The following XRCC6 variants were observed in gnomAD, a reference collection of about 807,000 sequenced individuals.
The protein encoded by XRCC6 is DNA repair protein Ku70.
XRCC6 carries 5 observed loss-of-function variants against 65.7 expected under a neutral mutation model. The observed-to-expected ratio is 0.08, with a 90% CI of 0.04 to 0.16. The LOEUF is 0.16. Among genes scored for constraint, XRCC6 ranks in the 10% least tolerant of loss-of-function variants. The pLI is 1.00. For synonymous variants in XRCC6, 270 were observed against 270.6 expected, an observed-to-expected ratio of 1.00 and a Z score of 0.02; for missense variants, 447 against 738.1, an observed-to-expected ratio of 0.61 and a Z score of 4.57.
At chr22:41,636,060 T>C in intron 3 of XRCC6, 53 bp from the exon 4 acceptor site, 1 of 1,518,318 alleles carries the variant, frequency 6.6e-7, no homozygotes, top group African/African-American at 1.4e-5. Context: ...ACTGAGCACT[T>C]ATGGAGCTTC....
rs6002425 is a variant in XRCC6, at chr22:41,632,981, G to T, written c.196-3132G>T. 1.1e-3 allele frequency among the ~76,000 whole-genome samples: 170 copies of T among 152,158 alleles called. 2 individuals are homozygous for T. The highest frequency in any genetic ancestry group is 4.0e-3 in the African/African-American group (168 of 41,534). On this transcript the variant is annotated intron_variant, in intron 3 of 12. Coordinates refer to ENST00000360079, the MANE Select transcript of XRCC6 (RefSeq NM_001469.5). ...GTCTCTACTAAAAATACAAAAATTA[G>T]CTGGGTGTGGTGGCGTGCGCCTGTA... is the stretch of plus-strand genomic sequence containing the variant.
chr22:41,656,531 A>G (rs2068046570), intron 9 of XRCC6, among the ~76,000 whole-genome samples: 1 of 151,602 alleles, frequency 6.6e-6, no homozygotes, highest in South Asian at 2.1e-4. Context: ...AAAAAAAAAG[A>G]TGGAAAAAAA....
chr22:41,649,137 A>ATATATAT (rs1555906685), intron 7 of XRCC6, among the ~76,000 whole-genome samples: 2 of 92,892 alleles, frequency 2.2e-5, no homozygotes, highest in African/African-American at 4.6e-5. Context: ...AAAAAAAAAA[A>ATATATAT]AAATATATAT....
intron 6 of XRCC6, among the ~76,000 whole-genome samples, chr22:41,638,969 C>G (rs1343461873): frequency 2.0e-5 from 3 of 152,060 alleles, no homozygotes; most frequent in African/African-American, 7.2e-5. Flanking sequence ...CACAGCATCA[C>G]TACAGATGCA....
chr22:41,631,193 C>T (rs1320802324), intron 3 of XRCC6, among the ~76,000 whole-genome samples: 5 of 151,548 alleles, frequency 3.3e-5, no homozygotes, highest in Non-Finnish European at 7.4e-5. Flanking sequence ...CAGAGGGGCT[C>T]CTCACTTCCC....
intron 11 of XRCC6, among the ~76,000 whole-genome samples, chr22:41,660,250 CAA>C (rs34978930): frequency 6.6e-6 from 1 of 152,166 alleles, no homozygotes; most frequent in African/African-American, 2.4e-5. Flanking sequence ...TGTAAGCTAA[CAA>C]AAAAGGAAAC....
At chr22:41,621,799 A>G (rs1420070209) in intron 1 of XRCC6, 191 bp from the exon 2 acceptor site, 1 of 569,484 alleles carries the variant, frequency 1.8e-6, no homozygotes, top group Non-Finnish European at 3.1e-6. Flanking sequence ...AGCTGAGATG[A>G]GGCAGCTACT....
At position 41,646,609 on chromosome 22, in the gene XRCC6, A is replaced by G. The variant is rs28384749; in HGVS notation, c.774-287A>G. 7.2e-5 allele frequency among the ~76,000 whole-genome samples: 11 copies of G among 152,276 alleles called. No homozygotes were observed. The East Asian group carries it at 1.9e-3, about 27-fold the overall frequency. The stretch of plus-strand genomic sequence containing the variant: ...CTATAAAATGCAAATATTCCAAAAA[A>G]AATCTGAAATCTGAAACATTTCTGG... On this transcript the variant is annotated intron_variant, in intron 6 of 12. Transcript: ENST00000360079.
chr22:41,638,616 C>G (rs1252983149), intron 6 of XRCC6, among the ~76,000 whole-genome samples: 3 of 151,808 alleles, frequency 2.0e-5, no homozygotes, highest in Non-Finnish European at 4.4e-5. Flanking sequence ...AAACCTTGTT[C>G]TCTACTAAAG....
chr22:41,635,066 G>C (rs2067795232), intron 3 of XRCC6, among the ~76,000 whole-genome samples: 1 of 152,168 alleles, frequency 6.6e-6, no homozygotes, highest in Admixed American at 6.5e-5. Flanking sequence ...TGAGGGAATT[G>C]GTTGCAGGAC....
chr22:41,624,264 TGTA>T (rs1490296152), intron 2 of XRCC6, among the ~76,000 whole-genome samples: 1 of 152,106 alleles, frequency 6.6e-6, no homozygotes, highest in Non-Finnish European at 1.5e-5. Flanking sequence ...GGCATGCACT[TGTA>T]GTCTCAGCTG....
chr22:41,632,547 G>A (rs946649558), intron 3 of XRCC6, among the ~76,000 whole-genome samples: 14 of 152,222 alleles, frequency 9.2e-5, no homozygotes, highest in Admixed American at 7.2e-4. Flanking sequence ...GGAGGTGGAC[G>A]TTGCAGTGAG....
At chr22:41,653,773 G>A in intron 9 of XRCC6, 83 bp downstream of exon 9, 1 of 1,484,788 alleles carries the variant, frequency 6.7e-7, no homozygotes. Context: ...CAGACCTACT[G>A]AATCATAGTC....
chr22:41,626,174 G>T (rs1005570036), intron 2 of XRCC6, among the ~76,000 whole-genome samples: 1 of 148,440 alleles, frequency 6.7e-6, no homozygotes, highest in East Asian at 2.0e-4. Context: ...ACGGGTTCTC[G>T]CTCTGTCACG....
At chr22:41,660,002 ACT>A (rs1318508438) in intron 11 of XRCC6, among the ~76,000 whole-genome samples, 1 of 152,036 alleles carries the variant, frequency 6.6e-6, no homozygotes, top group East Asian at 1.9e-4. Context: ...TACTTTTAAA[ACT>A]CTACAGATGA....
chr22:41,634,516 TTAGG>T (rs2067789131), intron 3 of XRCC6, among the ~76,000 whole-genome samples: 1 of 148,074 alleles, frequency 6.8e-6, no homozygotes, highest in Non-Finnish European at 1.5e-5. Flanking sequence ...TGCTCCAGAA[TTAGG>T]TAGGCCCCTA....
At chr22:41,628,391 C>G (rs1424538968) in intron 3 of XRCC6, 161 bp downstream of exon 3, 2 of 525,968 alleles carry the variant, frequency 3.8e-6, no homozygotes, top group Admixed American at 7.2e-5. Context: ...AACCCCGTCT[C>G]TACAAAAAAT....
chr22:41,641,998 A>C (rs2067882830), intron 6 of XRCC6, among the ~76,000 whole-genome samples: 2 of 152,156 alleles, frequency 1.3e-5, no homozygotes, highest in Admixed American at 1.3e-4. Context: ...CATGTTGACC[A>C]GGCTAGTCTC....
chr22:41,623,097 A>T (rs900354849), intron 2 of XRCC6, among the ~76,000 whole-genome samples: 18 of 152,014 alleles, frequency 1.2e-4, no homozygotes, highest in African/African-American at 3.4e-4. Flanking sequence ...AAATATATAT[A>T]TTTTTTAATT....
Sources: gnomAD v4.1 joint callset for allele counts (sites outside exome capture counted in the v4.1 genomes callset) on GRCh38, gnomAD v4.1.1 for gene constraint, MANE v1.5 for transcripts, NCBI Gene and HGNC (gene_info 2026-07-23, HGNC 2026-07-21) for gene names.